ALG13: variants seen among roughly 807,000 people sequenced by gnomAD.
ALG13 encodes the protein UDP-N-acetylglucosamine transferase subunit ALG13.
Under a neutral mutation model 87.8 loss-of-function variants are expected in ALG13, and 11 were observed. The ratio of observed to expected loss-of-function variants is 0.13; its 90% CI spans 0.08 to 0.21. The LOEUF (loss-of-function observed/expected upper bound fraction) is 0.21. ALG13 is among the 10% of genes least tolerant of loss of function. ALG13 has a pLI of 1.00. For missense variants in ALG13, 756 were observed against 866.1 expected, an observed-to-expected ratio of 0.87 and a Z score of 1.60; for synonymous variants, 320 against 306.3, an observed-to-expected ratio of 1.04 and a Z score of -0.47.
chrX:111,730,660 T>A, intron 21 of ALG13, 80 bp downstream of exon 21: 1 of 771,474 alleles, frequency 1.3e-6, no homozygotes, highest in Non-Finnish European at 1.9e-6. Flanking sequence ...TATAAATGTA[T>A]TTAAATCAGA....
chrX:111,755,077 AGACCAATAG>A (rs1013327741), intron 25 of ALG13, among the ~76,000 whole-genome samples: 4 of 111,933 alleles, frequency 3.6e-5, no homozygotes, highest in Non-Finnish European at 5.6e-5. Flanking sequence ...ACAGGTATAT[AGACCAATAG>A]GACCAATAGA....
chrX:111,751,725 A>C (rs751255677), intron 24 of ALG13, among the ~76,000 whole-genome samples: 1 of 110,276 alleles, frequency 9.1e-6, no homozygotes, highest in Admixed American at 9.7e-5. Context: ...AGCTGATTTT[A>C]AAAAAAAATG....
chrX:111,718,737 A>C (rs1168146760), intron 10 of ALG13, among the ~76,000 whole-genome samples: 1 of 111,908 alleles, frequency 8.9e-6, no homozygotes, highest in African/African-American at 3.3e-5. Flanking sequence ...GTAATAACTG[A>C]GGTTAGTTGA....
chrX:111,742,897 A>G (rs1173657648), intron 23 of ALG13, among the ~76,000 whole-genome samples: 2 of 112,516 alleles, frequency 1.8e-5, no homozygotes, highest in Non-Finnish European at 3.8e-5. Flanking sequence ...ACGTTTCTAT[A>G]ATTCTTGAGA....
At chrX:111,719,149 C>T (rs781394281) in intron 10 of ALG13, among the ~76,000 whole-genome samples, 4 of 109,256 alleles carry the variant, frequency 3.7e-5, no homozygotes, top group Non-Finnish European at 7.6e-5. Context: ...GCCTCAGCCT[C>T]CCGAGTAGCT....
rs138878988 is a variant in ALG13, at chrX:111,712,181, C to G, written c.886-303C>G. On this transcript the variant is annotated intron_variant, in intron 6 of 26. Transcript: ENST00000394780. ...CCATAGTTCTGGACTTAAAAAAGCACATTTACTAAATCCCTACTGCCTTTT... is the reference window on the plus strand; with the variant it reads ...CCATAGTTCTGGACTTAAAAAAGCAGATTTACTAAATCCCTACTGCCTTTT... 5.2e-3 allele frequency among the ~76,000 whole-genome samples: 581 copies of G among 111,884 alleles called. 2 individuals carry two copies. The highest frequency in any genetic ancestry group is 0.017 in the African/African-American group (536 of 30,908).
chrX:111,732,772 T>G (rs955944564), intron 21 of ALG13, among the ~76,000 whole-genome samples: 1 of 111,987 alleles, frequency 8.9e-6, no homozygotes, highest in Non-Finnish European at 1.9e-5. Context: ...CTCTGATACG[T>G]AATTCTCTTT....
At chrX:111,751,257 CG>C (rs1286499008) in intron 24 of ALG13, among the ~76,000 whole-genome samples, 9 of 108,724 alleles carry the variant, frequency 8.3e-5, no homozygotes, top group African/African-American at 3.0e-4. Flanking sequence ...TTAGTAGAGA[CG>C]GGGTTTCACC....
At chrX:111,737,031 A>G in intron 23 of ALG13, 152 bp downstream of exon 23, 5 of 476,556 alleles carry the variant, frequency 1.0e-5, no homozygotes, top group African/African-American at 2.5e-5. Flanking sequence ...TGAGGAATCC[A>G]TGAGATTTGA....
At chrX:111,714,716 A>C (rs967681453) in intron 8 of ALG13, among the ~76,000 whole-genome samples, 1 of 111,878 alleles carries the variant, frequency 8.9e-6, no homozygotes, top group African/African-American at 3.2e-5. Context: ...GTCTGCTGTT[A>C]ACATCTTAGT....
chrX:111,758,419 G>A (rs1422336903), intron 26 of ALG13, among the ~76,000 whole-genome samples: 3 of 112,068 alleles, frequency 2.7e-5, no homozygotes, highest in Non-Finnish European at 5.6e-5. Flanking sequence ...TGTTGCCAAA[G>A]ATACAATTTT....
At chrX:111,750,242 C>G (rs1944595911) in intron 24 of ALG13, among the ~76,000 whole-genome samples, 1 of 111,272 alleles carries the variant, frequency 9.0e-6, no homozygotes, top group Non-Finnish European at 1.9e-5. Context: ...CCCATTCTCC[C>G]TGGCCTTAGC....
At chrX:111,742,666 C>T (rs1419175090) in intron 23 of ALG13, among the ~76,000 whole-genome samples, 2 of 111,890 alleles carry the variant, frequency 1.8e-5, no homozygotes, top group Non-Finnish European at 3.8e-5. Context: ...TTCATAATAG[C>T]TTTCTTTGTA....
intron 1 of ALG13, chrX:111,681,591 C>G (rs1258488881): frequency 7.4e-6 from 7 of 945,599 alleles, no homozygotes; most frequent in Admixed American, 5.2e-5. Context: ...TCTCCGCCTC[C>G]GCGTCCTCCG....
chrX:111,689,368 G>A (rs1334384900), intron 3 of ALG13: 1 of 753,620 alleles, frequency 1.3e-6, no homozygotes, highest in East Asian at 1.5e-4. Context: ...TGGTCACTTA[G>A]TTTTTATAGT....
At chrX:111,716,475 C>T (rs904677677) in intron 8 of ALG13, among the ~76,000 whole-genome samples, 2 of 112,290 alleles carry the variant, frequency 1.8e-5, no homozygotes, top group Non-Finnish European at 3.8e-5. Context: ...ATTAATATTT[C>T]TTAGAGTTCC....
rs778570569 is a variant in ALG13, at chrX:111,687,840, T to C, written c.383+2737T>C. 11 of 1,100,565 alleles carry C rather than the reference T, an allele frequency of 1.0e-5. No homozygotes were observed. The East Asian group carries it at 4.0e-4, about 40-fold the overall frequency. 90.7% of individuals were successfully genotyped at this position (1,100,565 alleles called of 1,213,427 possible). ...TCATCAGTGGGCAGCAGATGAAGTA[T>C]GGAATTTTCTCCCATGTTACCTAAT... is the stretch of plus-strand genomic sequence containing the variant. On this transcript the variant is annotated intron_variant, in intron 3 of 26. Coordinates refer to ENST00000394780, the MANE Select transcript of ALG13 (RefSeq NM_001099922.3).
intron 3 of ALG13, 99 bp downstream of exon 3, chrX:111,685,202 C>T (rs760432909): frequency 2.2e-6 from 2 of 917,867 alleles, no homozygotes; most frequent in Admixed American, 3.3e-5. Flanking sequence ...CTGCCTCTTA[C>T]CTTCTCCCAG....
intron 21 of ALG13, among the ~76,000 whole-genome samples, chrX:111,732,941 CT>C (rs754645288): frequency 7.9e-4 from 88 of 111,095 alleles, no homozygotes; most frequent in African/African-American, 2.5e-3. Context: ...TACTTTTTTT[CT>C]GTTCCTTCAA....
Sources: gnomAD v4.1 joint callset for allele counts (sites outside exome capture counted in the v4.1 genomes callset) on GRCh38, gnomAD v4.1.1 for gene constraint, MANE v1.5 for transcripts, NCBI Gene and HGNC (gene_info 2026-07-23, HGNC 2026-07-21) for gene names.